Variants in FGF10 observed in about 807,000 individuals in gnomAD.
FGF10 encodes FGF-10.
FGF10 carries 2 observed loss-of-function variants against 19.8 expected under a neutral mutation model. The observed-to-expected ratio is 0.10, with a 90% CI of 0.04 to 0.32. The LOEUF (loss-of-function observed/expected upper bound fraction) is 0.32. FGF10 is among the 10% of genes least tolerant of loss of function. The probability of loss-of-function intolerance (pLI) is 1.00; values close to 1 mark genes in which losing one functional copy is unlikely to be tolerated. For synonymous variants in FGF10, 112 were observed against 94.0 expected, an observed-to-expected ratio of 1.19 and a Z score of -1.10; for missense variants, 191 against 246.3, an observed-to-expected ratio of 0.78 and a Z score of 1.50.
Position 44,388,495 on chromosome 5 carries a change from G to T in FGF10, c.188C>A (p.Ala63Glu). 1 of 1,614,124 alleles carries T rather than the reference G, an allele frequency of 6.2e-7. No homozygotes were observed. The highest frequency in any genetic ancestry group is 1.7e-5 in the Admixed American group (1 of 60,022). The change falls in exon 1 of 3, where the codon GCG becomes GAG. Residue 63 changes from alanine (A) to glutamate (E), a missense_variant. Physicochemically the swap from Ala to Glu is moderately radical, Grantham distance 107. Coordinates refer to ENST00000264664, the MANE Select transcript of FGF10 (RefSeq NM_004465.2). ...ATTGTAGCTCCGCACATGCCTTCCC[G>T]CGCTGGAAGGAGAGGAGAAGGAGGA... ...SSSSFSSPSS[A>E]GRHVRSYNHL...
intron 1 of FGF10, among the ~76,000 whole-genome samples, chr5:44,322,111 C>T (rs1305285722): frequency 6.6e-6 from 1 of 152,014 alleles, no homozygotes; most frequent in Non-Finnish European, 1.5e-5. Flanking sequence ...AAGGTAGATC[C>T]CTGGCCAGAG....
At chr5:44,381,872 A>G (rs1342389066) in intron 1 of FGF10, among the ~76,000 whole-genome samples, 1 of 152,208 alleles carries the variant, frequency 6.6e-6, no homozygotes, top group Non-Finnish European at 1.5e-5. Context: ...GTTGTGGTGC[A>G]ATTATTAGGT....
At chr5:44,356,984 C>T (rs762451012) in intron 1 of FGF10, among the ~76,000 whole-genome samples, 2 of 151,200 alleles carry the variant, frequency 1.3e-5, no homozygotes, top group African/African-American at 2.4e-5. Context: ...TTTCAAAAAT[C>T]TAATGTTTCA....
intron 1 of FGF10, among the ~76,000 whole-genome samples, chr5:44,375,426 C>T (rs548364789): frequency 2.0e-5 from 3 of 152,126 alleles, no homozygotes; most frequent in Admixed American, 6.5e-5. Context: ...CATTCCAGGC[C>T]GACCTAGCAG....
chr5:44,367,951 C>T (rs1204484152), intron 1 of FGF10, among the ~76,000 whole-genome samples: 1 of 151,066 alleles, frequency 6.6e-6, no homozygotes, highest in Non-Finnish European at 1.5e-5. Flanking sequence ...TTGATTAAAA[C>T]TGAATTGCCT....
At chr5:44,307,346 G>T (rs997410689) in intron 2 of FGF10, among the ~76,000 whole-genome samples, 6 of 152,028 alleles carry the variant, frequency 3.9e-5, no homozygotes, top group Non-Finnish European at 8.8e-5. Flanking sequence ...GGTTCAGGGA[G>T]TTTTTTTAAA....
At chr5:44,328,625 G>A (rs949384613) in intron 1 of FGF10, among the ~76,000 whole-genome samples, 4 of 152,098 alleles carry the variant, frequency 2.6e-5, no homozygotes, top group African/African-American at 7.2e-5. Flanking sequence ...AGCTGGGCAT[G>A]GTGATGCATG....
In FGF10 at chr5:44,303,280, C is replaced by T. The variant is rs1740001851; in HGVS notation, c.*1715G>A. 6.6e-6 allele frequency among the ~76,000 whole-genome samples: 1 copy of T among 152,016 alleles called. No individual in the cohort carries two copies. Among genetic ancestry groups the T allele is most frequent in the Non-Finnish European group, 1.5e-5 (1 of 68,006 alleles). On this transcript the variant is annotated 3_prime_UTR_variant, in exon 3 of 3. Coordinates refer to ENST00000264664, the MANE Select transcript of FGF10 (RefSeq NM_004465.2). ...AAAAATAACAGATTAACTGGAAGTG[C>T]TGGTTAAGTATTGACACAAATAAGT...
At chr5:44,375,327 G>A (rs1298711558) in intron 1 of FGF10, among the ~76,000 whole-genome samples, 1 of 152,110 alleles carries the variant, frequency 6.6e-6, no homozygotes, top group Non-Finnish European at 1.5e-5. Flanking sequence ...GGAAGCACAG[G>A]TTTTGAGAGG....
intron 2 of FGF10, among the ~76,000 whole-genome samples, chr5:44,308,053 C>T (rs1331671930): frequency 6.6e-6 from 1 of 152,148 alleles, no homozygotes; most frequent in Non-Finnish European, 1.5e-5. Context: ...AGGTCACAAT[C>T]TATTGGGAGA....
intron 1 of FGF10, among the ~76,000 whole-genome samples, chr5:44,340,546 C>T (rs925895880): frequency 6.6e-6 from 1 of 151,956 alleles, no homozygotes; most frequent in African/African-American, 2.4e-5. Flanking sequence ...GTTGTGATGG[C>T]TACAGGTATT....
intron 1 of FGF10, among the ~76,000 whole-genome samples, chr5:44,317,880 C>A (rs990861664): frequency 6.6e-6 from 1 of 152,062 alleles, no homozygotes; most frequent in African/African-American, 2.4e-5. Context: ...CAGTGAGACA[C>A]AAATGACACG....
intron 1 of FGF10, among the ~76,000 whole-genome samples, chr5:44,342,073 T>G (rs1032168572): frequency 2.0e-5 from 3 of 151,988 alleles, no homozygotes; most frequent in Middle Eastern, 3.2e-3. Context: ...CAATAACATT[T>G]GTGAATTTAA....
intron 1 of FGF10, among the ~76,000 whole-genome samples, chr5:44,363,085 A>T (rs1037558616): frequency 6.6e-6 from 1 of 151,796 alleles, no homozygotes; most frequent in African/African-American, 2.4e-5. Context: ...CAACAATATC[A>T]ATTTTCCTGG....
intron 1 of FGF10, among the ~76,000 whole-genome samples, chr5:44,322,768 T>C (rs111277124): frequency 0.011 from 1,656 of 151,914 alleles, 23 homozygotes; most frequent in African/African-American, 0.038. Flanking sequence ...ATGGAGTAGA[T>C]GGGACTATCT....
chr5:44,324,126 C>G (rs1230086039), intron 1 of FGF10, among the ~76,000 whole-genome samples: 1 of 151,766 alleles, frequency 6.6e-6, no homozygotes, highest in Non-Finnish European at 1.5e-5. Context: ...TAGATTAAAA[C>G]TACTATGTAC....
intron 1 of FGF10, among the ~76,000 whole-genome samples, chr5:44,372,181 G>A (rs1181332650): frequency 2.0e-5 from 3 of 152,088 alleles, no homozygotes; most frequent in East Asian, 1.9e-4. Flanking sequence ...AGCTCTCCAG[G>A]GGACAGCGTC....
chr5:44,376,923 T>C (rs1248656572), intron 1 of FGF10, among the ~76,000 whole-genome samples: 4 of 152,080 alleles, frequency 2.6e-5, no homozygotes. Context: ...ATAAAAATCA[T>C]GTCAATGTAA....
intron 1 of FGF10, among the ~76,000 whole-genome samples, chr5:44,381,488 C>A (rs75173556): frequency 0.01 from 1,562 of 151,014 alleles, 92 homozygotes; most frequent in Admixed American, 0.075. Context: ...AAAACACACA[C>A]AAAACCAAGA....
Sources: gnomAD v4.1 joint callset for allele counts (sites outside exome capture counted in the v4.1 genomes callset) on GRCh38, gnomAD v4.1.1 for gene constraint, MANE v1.5 for transcripts, NCBI Gene and HGNC (gene_info 2026-07-23, HGNC 2026-07-21) for gene names.